Variants in KPNA7 observed in about 807,000 individuals in gnomAD.
The protein encoded by KPNA7 is importin subunit alpha-8.
A neutral mutation model predicts 53.7 loss-of-function variants in KPNA7; 54 were observed. That is an observed-to-expected ratio of 1.01 (90% CI 0.81 to 1.26). The LOEUF (loss-of-function observed/expected upper bound fraction) is 1.26. Ranked by LOEUF, KPNA7 falls within the 50% of genes most tolerant of loss-of-function variation. The pLI is 0.00. For missense variants in KPNA7, 640 were observed against 644.5 expected, an observed-to-expected ratio of 0.99 and a Z score of 0.07; for synonymous variants, 276 against 259.3, an observed-to-expected ratio of 1.06 and a Z score of -0.62.
intron 1 of KPNA7, among the ~76,000 whole-genome samples, chr7:99,218,056 T>G (rs1480561321): frequency 2.0e-5 from 3 of 149,448 alleles, no homozygotes; most frequent in African/African-American, 7.4e-5. Flanking sequence ...CATGCCCAGG[T>G]TGAAGTGATC....
chr7:99,164,040 G>T, the KPNA7 span, among the ~76,000 whole-genome samples: 3 of 150,956 alleles, frequency 2.0e-5, no homozygotes, highest in East Asian at 2.0e-4. Context: ...ACTGTTGGTG[G>T]TACTGTAAAC....
chr7:99,166,513 C>T, the KPNA7 span, among the ~76,000 whole-genome samples: 3 of 152,180 alleles, frequency 2.0e-5, no homozygotes, highest in Non-Finnish European at 4.4e-5. Context: ...TGGGGTTTCA[C>T]CATGTTGGCC....
upstream of KPNA7, among the ~76,000 whole-genome samples, chr7:99,210,028 G>GA (rs200667226): frequency 0.061 from 9,246 of 151,946 alleles, 310 homozygotes; most frequent in South Asian, 0.15. Context: ...ACAAAAAAAA[G>GA]AAAAAATCAA....
At chr7:99,151,224 T>C in the KPNA7 span, among the ~76,000 whole-genome samples, 2 of 152,154 alleles carry the variant, frequency 1.3e-5, no homozygotes, top group Non-Finnish European at 1.5e-5. Context: ...CGTCTGTGTG[T>C]CTGTCTGTTT....
intron 1 of KPNA7, among the ~76,000 whole-genome samples, chr7:99,216,012 C>G (rs1791212043): frequency 6.6e-6 from 1 of 151,598 alleles, no homozygotes; most frequent in Non-Finnish European, 1.5e-5. Context: ...GAGTTATACA[C>G]AGTCCAAGTC....
intron 10 of KPNA7, among the ~76,000 whole-genome samples, chr7:99,175,655 C>T (rs560730036): frequency 1.2e-4 from 18 of 151,954 alleles, no homozygotes; most frequent in Non-Finnish European, 2.5e-4. Flanking sequence ...GCTGGGATTA[C>T]GGGCACAAAC....
At chr7:99,159,067 G>A in the KPNA7 span, among the ~76,000 whole-genome samples, 4 of 152,004 alleles carry the variant, frequency 2.6e-5, no homozygotes, top group East Asian at 7.7e-4. Context: ...GTTTCACCAT[G>A]TTGGTCAGGC....
chr7:99,178,141 G>A, intron 9 of KPNA7, 75 bp from the exon 10 acceptor site: 1 of 1,372,670 alleles, frequency 7.3e-7, no homozygotes, highest in South Asian at 1.4e-5. Context: ...CAGCCCTCAA[G>A]GGAGCTGCCC....
chr7:99,207,579 C>A, intron 1 of KPNA7, 90 bp from the exon 2 acceptor site: 1 of 426,674 alleles, frequency 2.3e-6, no homozygotes. Context: ...TTAAAGGGCT[C>A]ACAGTGGAGC....
chr7:99,204,357 G>C (rs1475633631), intron 2 of KPNA7, among the ~76,000 whole-genome samples: 1 of 151,594 alleles, frequency 6.6e-6, no homozygotes, highest in Non-Finnish European at 1.5e-5. Context: ...GGGCAATAGA[G>C]CAAGACCCTG....
At chr7:99,202,799 T>C (rs553763218) in intron 3 of KPNA7, among the ~76,000 whole-genome samples, 1 of 152,272 alleles carries the variant, frequency 6.6e-6, no homozygotes, top group Admixed American at 6.5e-5. Context: ...TGAGCTCTGA[T>C]TGTGCCACAG....
chr7:99,168,127 C>A, the KPNA7 span, among the ~76,000 whole-genome samples: 1 of 152,110 alleles, frequency 6.6e-6, no homozygotes, highest in Admixed American at 6.6e-5. Context: ...CTTCCTGGAA[C>A]TTGACTTACC....
chr7:99,194,810 G>C (rs1790142560), intron 5 of KPNA7, among the ~76,000 whole-genome samples: 2 of 152,030 alleles, frequency 1.3e-5, no homozygotes, highest in Non-Finnish European at 2.9e-5. Flanking sequence ...TCACCATGTT[G>C]GCCAGGCTGG....
At chr7:99,159,727 ATTCT>A in the KPNA7 span, among the ~76,000 whole-genome samples, 53 of 152,320 alleles carry the variant, frequency 3.5e-4, no homozygotes, top group African/African-American at 1.2e-3. Flanking sequence ...ACAGCCAATC[ATTCT>A]TTATCATCAA....
intron 8 of KPNA7, among the ~76,000 whole-genome samples, chr7:99,183,636 A>C (rs75599274): frequency 0.055 from 8,370 of 152,068 alleles, 311 homozygotes; most frequent in African/African-American, 0.091. Context: ...CTGGGAACTC[A>C]CTACCCAGCC....
At chr7:99,214,278 CAA>C (rs112803395) in intron 1 of KPNA7, among the ~76,000 whole-genome samples, 227 of 111,442 alleles carry the variant, frequency 2.0e-3, no homozygotes, top group African/African-American at 6.3e-3. Flanking sequence ...TAAAAATATA[CAA>C]AAAAAAAAAA....
At chr7:99,182,094 A>G (rs1789282015) in intron 8 of KPNA7, 29 bp from the exon 9 acceptor site, 2 of 1,485,040 alleles carry the variant, frequency 1.3e-6, no homozygotes, top group African/African-American at 1.4e-5. Flanking sequence ...TCCATTCTCT[A>G]CAGATCCTCA....
the KPNA7 span, among the ~76,000 whole-genome samples, chr7:99,164,857 G>A: frequency 6.6e-6 from 1 of 152,186 alleles, no homozygotes; most frequent in Non-Finnish European, 1.5e-5. Flanking sequence ...CAGCACTTTG[G>A]GAGGCCGAGG....
rs891025090 is a variant in KPNA7 at position 99,196,065 on chromosome 7, G to T, written c.284+19C>A. On this transcript the variant is annotated intron_variant, in intron 4 of 10. Transcript: ENST00000327442. ...TGCTAACTATGAACCTGCAACAGCA[G>T]AAGTCTGTTTGGAGATACCTGGCTG... The T allele has an allele frequency of 6.5e-7, 1 of 1,545,412 alleles. No individual in the cohort carries two copies. The highest frequency in any genetic ancestry group is 8.8e-7 in the Non-Finnish European group (1 of 1,141,280).
Sources: gnomAD v4.1 joint callset for allele counts (sites outside exome capture counted in the v4.1 genomes callset) on GRCh38, gnomAD v4.1.1 for gene constraint, MANE v1.5 for transcripts, NCBI Gene and HGNC (gene_info 2026-07-23, HGNC 2026-07-21) for gene names.